The following EXT1 variants were observed in gnomAD, a reference collection of about 807,000 sequenced individuals.
EXT1 encodes the protein exostosin glycosyltransferase 1, also known as exostosin-1.
In EXT1, 20 loss-of-function variants were observed where a neutral mutation model predicts 82.5. The observed-to-expected ratio is 0.24, with a 90% CI of 0.17 to 0.35. The LOEUF is 0.35. Among genes scored for constraint, EXT1 ranks in the 10% least tolerant of loss-of-function variants. The probability of loss-of-function intolerance (pLI) is 1.00; values close to 1 mark genes in which losing one functional copy is unlikely to be tolerated. For synonymous variants in EXT1, 348 were observed against 350.8 expected, an observed-to-expected ratio of 0.99 and a Z score of 0.09; for missense variants, 757 against 936.5, an observed-to-expected ratio of 0.81 and a Z score of 2.50.
chr8:117,861,236 T>A (rs1163673546), intron 1 of EXT1, among the ~76,000 whole-genome samples: 1 of 152,212 alleles, frequency 6.6e-6, no homozygotes, highest in Non-Finnish European at 1.5e-5. Flanking sequence ...CCACTGAGCA[T>A]CCTTTGCGAA....
At chr8:118,104,932 G>A (rs1254099745) in intron 1 of EXT1, among the ~76,000 whole-genome samples, 2 of 152,186 alleles carry the variant, frequency 1.3e-5, no homozygotes, top group Non-Finnish European at 2.9e-5. Context: ...GCTGCAAAGC[G>A]AATGCAGTGA....
At chr8:117,833,214 C>T (rs1812130653) in intron 3 of EXT1, among the ~76,000 whole-genome samples, 1 of 152,104 alleles carries the variant, frequency 6.6e-6, no homozygotes, top group Non-Finnish European at 1.5e-5. Context: ...AGGGGAAAAA[C>T]ACCAGCAAGT....
intron 1 of EXT1, among the ~76,000 whole-genome samples, chr8:118,099,646 A>G (rs1029416820): frequency 1.3e-5 from 2 of 152,222 alleles, no homozygotes; most frequent in Non-Finnish European, 2.9e-5. Flanking sequence ...AACCACTTTT[A>G]AAGACTGTCT....
chr8:117,868,233 T>C (rs966291063), intron 1 of EXT1, among the ~76,000 whole-genome samples: 3 of 152,200 alleles, frequency 2.0e-5, no homozygotes, highest in Admixed American at 6.5e-5. Flanking sequence ...CCTTAGATAA[T>C]TGCTATCCTC....
At chr8:117,812,786 C>T in intron 8 of EXT1, 86 bp downstream of exon 8, 7 of 1,231,598 alleles carry the variant, frequency 5.7e-6, no homozygotes, top group Non-Finnish European at 8.3e-6. Context: ...TCTGCCAAGG[C>T]ACGGCTAAAA....
intron 1 of EXT1, among the ~76,000 whole-genome samples, chr8:118,005,526 T>C (rs958682992): frequency 6.6e-6 from 1 of 152,162 alleles, no homozygotes; most frequent in African/African-American, 2.4e-5. Flanking sequence ...AGCAACTCTA[T>C]CGGATATGAA....
At chr8:118,056,821 T>C (rs1442464411) in intron 1 of EXT1, among the ~76,000 whole-genome samples, 1 of 152,200 alleles carries the variant, frequency 6.6e-6, no homozygotes, top group Non-Finnish European at 1.5e-5. Flanking sequence ...GAGAACTTTA[T>C]GTATCTTTCC....
chr8:117,799,704 C>A lies in EXT1; in HGVS notation c.*8G>T. ...TCTTGCTTCCCCTCCCCCACTCAGC[C>A]GGATTCCTCAAAGTCGCTCAATGTC... On this transcript the variant is annotated 3_prime_UTR_variant, in exon 11 of 11. Coordinates refer to ENST00000378204, the MANE Select transcript of EXT1 (RefSeq NM_000127.3). 6.2e-7 allele frequency: 1 copy of A among 1,613,896 alleles called. No individual in the cohort carries two copies. The highest frequency in any genetic ancestry group is 8.5e-7 in the Non-Finnish European group (1 of 1,179,954).
intron 1 of EXT1, among the ~76,000 whole-genome samples, chr8:118,093,268 CAA>C (rs10594150): frequency 0.45 from 29,469 of 66,170 alleles, 3,898 homozygotes; most frequent in Non-Finnish European, 0.51. Context: ...AAATTCCCAG[CAA>C]AAAAAAAAAA....
chr8:117,917,701 G>A (rs894638382), intron 1 of EXT1, among the ~76,000 whole-genome samples: 6 of 152,154 alleles, frequency 3.9e-5, no homozygotes, highest in Admixed American at 1.3e-4. Context: ...CTGTCTGTCA[G>A]TAGAATGGTC....
chr8:117,930,706 G>T (rs1563604591), intron 1 of EXT1, among the ~76,000 whole-genome samples: 2 of 152,236 alleles, frequency 1.3e-5, no homozygotes, highest in Admixed American at 6.5e-5. Flanking sequence ...TCCATCTTGA[G>T]TAGGGGCTGG....
In EXT1 at chr8:117,893,653, C is replaced by T. The variant is rs377596990; in HGVS notation, c.963-56452G>A. On this transcript the variant is annotated intron_variant, in intron 1 of 10. Transcript: ENST00000378204. ...GCTTGTCCCAATCCCTGGTGCCTTCCGCCTTTCGCTGCAGCCTGGACTAAC... is the reference window on the plus strand; with the variant it reads ...GCTTGTCCCAATCCCTGGTGCCTTCTGCCTTTCGCTGCAGCCTGGACTAAC... Among the ~76,000 whole-genome samples, 300 of 152,296 alleles carry T rather than the reference C, an allele frequency of 2.0e-3. 2 individuals are homozygous for T. The highest frequency in any genetic ancestry group is 0.015 in the South Asian group (73 of 4,826).
intron 1 of EXT1, among the ~76,000 whole-genome samples, chr8:117,919,200 T>A (rs1813810243): frequency 1.3e-5 from 2 of 152,100 alleles, no homozygotes; most frequent in Admixed American, 1.3e-4. Flanking sequence ...GGTGTTTTTT[T>A]TTTTGGAGAC....
At chr8:118,005,551 C>A (rs893379058) in intron 1 of EXT1, among the ~76,000 whole-genome samples, 2 of 152,210 alleles carry the variant, frequency 1.3e-5, no homozygotes, top group Admixed American at 6.5e-5. Context: ...CTAATCTTTT[C>A]ATTTAACAGA....
At chr8:117,801,267 G>C (rs1823162753) in intron 10 of EXT1, among the ~76,000 whole-genome samples, 2 of 152,192 alleles carry the variant, frequency 1.3e-5, no homozygotes, top group South Asian at 4.1e-4. Flanking sequence ...TATCTACCCA[G>C]GTAATAACAT....
intron 1 of EXT1, among the ~76,000 whole-genome samples, chr8:117,844,526 T>C (rs1363881395): frequency 6.6e-6 from 1 of 152,108 alleles, no homozygotes; most frequent in Non-Finnish European, 1.5e-5. Flanking sequence ...AGGCAAAGAT[T>C]TGAACTGAGA....
chr8:117,962,720 T>C (rs1814725466), intron 1 of EXT1, among the ~76,000 whole-genome samples: 2 of 151,352 alleles, frequency 1.3e-5, no homozygotes, highest in African/African-American at 4.9e-5. Flanking sequence ...GCCACTGCAC[T>C]CCAGCCTAGG....
At chr8:117,895,090 C>G (rs558985090) in intron 1 of EXT1, among the ~76,000 whole-genome samples, 1 of 152,276 alleles carries the variant, frequency 6.6e-6, no homozygotes, top group South Asian at 2.1e-4. Context: ...TCAATTCGAT[C>G]ATGATGTCAT....
intron 1 of EXT1, among the ~76,000 whole-genome samples, chr8:118,036,486 A>G (rs17476574): frequency 0.02 from 3,092 of 152,282 alleles, 107 homozygotes; most frequent in African/African-American, 0.07. Context: ...TTCTCATTCC[A>G]TCTTATCCAC....
Sources: gnomAD v4.1 joint callset for allele counts (sites outside exome capture counted in the v4.1 genomes callset) on GRCh38, gnomAD v4.1.1 for gene constraint, MANE v1.5 for transcripts, NCBI Gene and HGNC (gene_info 2026-07-23, HGNC 2026-07-21) for gene names.